LY86: variants seen among roughly 807,000 people sequenced by gnomAD.
LY86 encodes lymphocyte antigen 86.
Under a neutral mutation model 17.3 loss-of-function variants are expected in LY86, and 20 were observed. The ratio of observed to expected loss-of-function variants is 1.15; its 90% confidence interval spans 0.81 to 1.68. The LOEUF is 1.68. Among genes scored for constraint, LY86 ranks in the 40% most tolerant of loss-of-function variants. LY86 has a pLI of 0.00. For synonymous variants in LY86, 74 were observed against 70.6 expected, an observed-to-expected ratio of 1.05 and a Z score of -0.24; for missense variants, 200 against 191.9, an observed-to-expected ratio of 1.04 and a Z score of -0.25.
chr6:6,634,422 T>C (rs1761935075), intron 3 of LY86, among the ~76,000 whole-genome samples: 1 of 152,138 alleles, frequency 6.6e-6, no homozygotes, highest in Admixed American at 6.5e-5. Context: ...TAAAACAGAG[T>C]AGATCCCCTG....
At chr6:6,626,495 G>C (rs1414308037) in intron 3 of LY86, 74 bp downstream of exon 3, 5 of 1,552,044 alleles carry the variant, frequency 3.2e-6, no homozygotes, top group Non-Finnish European at 3.5e-6. Flanking sequence ...CTGAGGCCAG[G>C]ACGCCCAGAC....
chr6:6,606,062 G>C (rs774881548), intron 1 of LY86, among the ~76,000 whole-genome samples: 2 of 152,142 alleles, frequency 1.3e-5, no homozygotes, highest in Admixed American at 1.3e-4. Context: ...TGCTGCTAGC[G>C]CGGGCAGCCT....
rs374364369 is a variant in LY86, at chr6:6,601,074, A to G, written c.136+12204A>G. On this transcript the variant is annotated intron_variant, in intron 1 of 4. Coordinates refer to ENST00000230568, the MANE Select transcript of LY86 (RefSeq NM_004271.4). ...TGTTTATTTCAAGCAGCGGCTGATC[A>G]GAGTACAGGCTTGCTAGCAAGTATC... is the stretch of plus-strand genomic sequence containing the variant. Among the ~76,000 whole-genome samples the G allele has an allele frequency of 4.6e-5, 7 of 152,242 alleles. No homozygotes were observed. In the East Asian group the frequency reaches 1.2e-3, roughly 25 times the overall value.
rs1045764074 is a variant in LY86, at chr6:6,648,091, C to G, written c.353-1534C>G. 2.0e-5 allele frequency among the ~76,000 whole-genome samples: 3 copies of G among 152,072 alleles called. No individual in the cohort carries two copies. The East Asian group carries it at 5.8e-4, about 29-fold the overall frequency. ...GCTCAAACCAAAATCTTCCTGGCCC[C>G]CACTCTCTATACCCACTCATCAGTG... On this transcript the variant is annotated intron_variant, in intron 3 of 4. Coordinates refer to ENST00000230568, the MANE Select transcript of LY86 (RefSeq NM_004271.4).
chr6:6,612,130 C>A (rs1446416002), intron 1 of LY86, among the ~76,000 whole-genome samples: 3 of 152,112 alleles, frequency 2.0e-5, no homozygotes, highest in Admixed American at 6.6e-5. Flanking sequence ...ATCAGCTCAA[C>A]AACTCCTAAG....
chr6:6,649,499 C>CACCG, intron 3 of LY86, 126 bp from the exon 4 acceptor site: 1 of 453,298 alleles, frequency 2.2e-6, no homozygotes, highest in South Asian at 4.7e-5. Flanking sequence ...GAAAACATTT[C>CACCG]TAGCAATAGC....
chr6:6,608,127 C>T (rs191511356), intron 1 of LY86, among the ~76,000 whole-genome samples: 3 of 152,194 alleles, frequency 2.0e-5, no homozygotes, highest in Admixed American at 6.5e-5. Context: ...TTGCCCGTCA[C>T]TGCCACTTGT....
intron 1 of LY86, 104 bp downstream of exon 1, chr6:6,588,974 C>A: frequency 1.4e-6 from 2 of 1,398,602 alleles, no homozygotes; most frequent in South Asian, 1.4e-5. Flanking sequence ...GGAGAGGGGA[C>A]CAGCAGCTGA....
intron 1 of LY86, among the ~76,000 whole-genome samples, chr6:6,613,797 C>T (rs375977265): frequency 6.6e-6 from 1 of 152,236 alleles, no homozygotes; most frequent in African/African-American, 2.4e-5. Context: ...ATGCTGTCAC[C>T]TCTCAATAGG....
chr6:6,606,102 T>A (rs113057656), intron 1 of LY86, among the ~76,000 whole-genome samples: 187 of 152,282 alleles, frequency 1.2e-3, no homozygotes, highest in African/African-American at 4.3e-3. Context: ...CCCACCCACA[T>A]CCTGCTGATT....
chr6:6,651,291 T>C (rs1454854152), intron 4 of LY86, among the ~76,000 whole-genome samples: 1 of 152,220 alleles, frequency 6.6e-6, no homozygotes, highest in Non-Finnish European at 1.5e-5. Context: ...TCTTTCTCCA[T>C]AAAGAATCTC....
intron 1 of LY86, among the ~76,000 whole-genome samples, chr6:6,590,878 C>A (rs919432130): frequency 7.2e-6 from 1 of 138,918 alleles, no homozygotes; most frequent in Non-Finnish European, 1.6e-5. Context: ...GTCACCAGGG[C>A]CATTTGTTCA....
chr6:6,615,546 ACC>A (rs1761533216), intron 1 of LY86, among the ~76,000 whole-genome samples: 1 of 152,002 alleles, frequency 6.6e-6, no homozygotes, highest in Admixed American at 6.6e-5. Flanking sequence ...ACATGGTGAA[ACC>A]CCATCTCTAC....
intron 1 of LY86, among the ~76,000 whole-genome samples, chr6:6,599,708 A>AAAATGTTC: frequency 6.6e-6 from 1 of 152,204 alleles, no homozygotes; most frequent in Non-Finnish European, 1.5e-5. Context: ...ATAGGACTGG[A>AAAATGTTC]AAATGTTCAG....
At chr6:6,634,231 A>T (rs1761933107) in intron 3 of LY86, among the ~76,000 whole-genome samples, 1 of 152,258 alleles carries the variant, frequency 6.6e-6, no homozygotes, top group South Asian at 2.1e-4. Flanking sequence ...TTTAAACTTG[A>T]TTTTAAATGC....
intron 1 of LY86, among the ~76,000 whole-genome samples, chr6:6,605,971 A>T (rs192855362): frequency 6.8e-6 from 1 of 146,558 alleles, no homozygotes; most frequent in Non-Finnish European, 1.5e-5. Context: ...GTGGACCCAA[A>T]GAGCGACCAC....
intron 1 of LY86, among the ~76,000 whole-genome samples, chr6:6,603,632 A>AACACACACACACACACACACACACACAC (rs540840468): frequency 7.4e-6 from 1 of 135,810 alleles, no homozygotes; most frequent in African/African-American, 2.7e-5. Flanking sequence ...AAAAAAACAA[A>AACACACACACACACACACACACACACAC]ACACACACAC....
At chr6:6,651,309 G>C (rs1252805545) in intron 4 of LY86, among the ~76,000 whole-genome samples, 1 of 152,162 alleles carries the variant, frequency 6.6e-6, no homozygotes, top group Non-Finnish European at 1.5e-5. Context: ...CTCTAACTTA[G>C]TTTCACCTCT....
chr6:6,612,268 T>G (rs973633267), intron 1 of LY86, among the ~76,000 whole-genome samples: 6 of 152,236 alleles, frequency 3.9e-5, no homozygotes, highest in Non-Finnish European at 8.8e-5. Flanking sequence ...TGTTCAGATG[T>G]GTTCTGAGTT....
Sources: allele counts gnomAD v4.1 joint callset (sites outside exome capture counted in the v4.1 genomes callset), GRCh38; gene constraint gnomAD v4.1.1; transcripts MANE v1.5; gene names NCBI Gene and HGNC (gene_info 2026-07-23, HGNC 2026-07-21).